The following SNX13 variants were observed in gnomAD, a reference collection of about 807,000 sequenced individuals.
The protein encoded by SNX13 is sorting nexin-13.
Under a neutral mutation model 133.6 loss-of-function variants are expected in SNX13, and 45 were observed. The observed-to-expected ratio is 0.34, with a 90% CI of 0.27 to 0.43. SNX13 has a LOEUF of 0.43. SNX13 is among the 20% of genes least tolerant of loss of function. The pLI is 1.00. For synonymous variants in SNX13, 414 were observed against 373.9 expected (o/e 1.11, Z -1.24); for missense variants, 1,032 against 1,145.1 (o/e 0.90, Z 1.43).
intron 9 of SNX13, among the ~76,000 whole-genome samples, chr7:17,856,906 AAT>A (rs1012555933): frequency 3.9e-5 from 6 of 152,016 alleles, no homozygotes; most frequent in Non-Finnish European, 7.4e-5. Flanking sequence ...TTATAACAAA[AAT>A]AAATGAAATT....
chr7:17,850,790 C>T (rs1554327530), intron 10 of SNX13, 36 bp downstream of exon 10: 1 of 1,444,976 alleles, frequency 6.9e-7, no homozygotes, highest in Non-Finnish European at 9.2e-7. Flanking sequence ...AATAATACTT[C>T]AAAAAAATAT....
intron 1 of SNX13, among the ~76,000 whole-genome samples, chr7:17,911,752 T>C (rs1799009390): frequency 6.6e-6 from 1 of 152,058 alleles, no homozygotes; most frequent in South Asian, 2.1e-4. Flanking sequence ...GAGTACAATA[T>C]GTTATTAAGA....
chr7:17,894,851 C>A (rs776660368), intron 2 of SNX13, among the ~76,000 whole-genome samples: 3 of 152,134 alleles, frequency 2.0e-5, no homozygotes, highest in Admixed American at 6.5e-5. Context: ...TTTGTGTCTA[C>A]CTGCCCTCTC....
chr7:17,843,405 C>T (rs1375528883), intron 12 of SNX13, among the ~76,000 whole-genome samples: 1 of 151,914 alleles, frequency 6.6e-6, no homozygotes, highest in Non-Finnish European at 1.5e-5. Flanking sequence ...AGTTACATAC[C>T]TATTAACAGA....
chr7:17,797,718 G>C (rs1430686387), intron 24 of SNX13, among the ~76,000 whole-genome samples: 2 of 151,708 alleles, frequency 1.3e-5, no homozygotes, highest in Non-Finnish European at 3.0e-5. Flanking sequence ...TGATTCCAAT[G>C]AACAGCCAAA....
At chr7:17,921,388 A>C (rs1314606920) in intron 1 of SNX13, among the ~76,000 whole-genome samples, 1 of 152,152 alleles carries the variant, frequency 6.6e-6, no homozygotes, top group Non-Finnish European at 1.5e-5. Context: ...ACAATTTCCC[A>C]GTGATTCCAT....
chr7:17,866,796 C>T (rs1793449447), intron 9 of SNX13, among the ~76,000 whole-genome samples: 1 of 152,126 alleles, frequency 6.6e-6, no homozygotes, highest in Admixed American at 6.5e-5. Context: ...TTCAGTAGCA[C>T]AACAGGGTGG....
At chr7:17,843,812 AT>A (rs1207211678) in intron 12 of SNX13, among the ~76,000 whole-genome samples, 1 of 152,072 alleles carries the variant, frequency 6.6e-6, no homozygotes, top group African/African-American at 2.4e-5. Context: ...CACACTTTTT[AT>A]TTACCCTACT....
At chr7:17,821,070 C>T (rs1275620098) in intron 18 of SNX13, among the ~76,000 whole-genome samples, 1 of 151,906 alleles carries the variant, frequency 6.6e-6, no homozygotes, top group Admixed American at 6.6e-5. Context: ...AGTAATGGAT[C>T]AAGGATTCAT....
intron 5 of SNX13, among the ~76,000 whole-genome samples, chr7:17,876,696 T>G (rs4721665): frequency 6.6e-6 from 1 of 151,718 alleles, no homozygotes. Flanking sequence ...AGGTGATTAC[T>G]AATTTTAAGA....
At chr7:17,818,624 T>C (rs1282840025) in intron 18 of SNX13, among the ~76,000 whole-genome samples, 1 of 152,170 alleles carries the variant, frequency 6.6e-6, no homozygotes, top group Non-Finnish European at 1.5e-5. Context: ...ATGAAAATAT[T>C]TTTAAAGGCA....
At chr7:17,920,086 A>G (rs1035017709) in intron 1 of SNX13, among the ~76,000 whole-genome samples, 1 of 152,198 alleles carries the variant, frequency 6.6e-6, no homozygotes, top group South Asian at 2.1e-4. Context: ...ATCTGGTGTC[A>G]TAGCCTCAAA....
chr7:17,908,476 G>A (rs1798620268), intron 1 of SNX13, among the ~76,000 whole-genome samples: 1 of 152,052 alleles, frequency 6.6e-6, no homozygotes, highest in Middle Eastern at 3.2e-3. Flanking sequence ...TTCCCCTCAA[G>A]AACCAGCTGA....
At chr7:17,839,107 T>C (rs1789538757) in intron 13 of SNX13, among the ~76,000 whole-genome samples, 2 of 149,752 alleles carry the variant, frequency 1.3e-5, no homozygotes, top group South Asian at 4.2e-4. Flanking sequence ...CTATTCTATA[T>C]ATGTATTCTA....
intron 10 of SNX13, 46 bp from the exon 11 acceptor site, chr7:17,850,481 T>A (rs1192520404): frequency 8.5e-7 from 1 of 1,179,048 alleles, no homozygotes; most frequent in Non-Finnish European, 1.2e-6. Context: ...GTGTTATTTA[T>A]GAAATACTTT....
chr7:17,873,486 A>G (rs1188423473), intron 8 of SNX13, 42 bp downstream of exon 8: 1 of 1,377,502 alleles, frequency 7.3e-7, no homozygotes, highest in South Asian at 1.6e-5. Context: ...CTACTGCTCT[A>G]CATTTTTTTG....
intron 20 of SNX13, among the ~76,000 whole-genome samples, chr7:17,813,860 A>AAG (rs1786342503): frequency 2.0e-5 from 3 of 152,214 alleles, no homozygotes; most frequent in Non-Finnish European, 2.9e-5. Flanking sequence ...CGCTGGGATT[A>AAG]CAGGCATGAG....
intron 1 of SNX13, among the ~76,000 whole-genome samples, chr7:17,931,599 G>T (rs928443583): frequency 6.6e-6 from 1 of 152,142 alleles, no homozygotes; most frequent in African/African-American, 2.4e-5. Flanking sequence ...ACCAATTCAG[G>T]TTTAAATGGA....
chr7:17,920,887 C>T (rs572249731), intron 1 of SNX13, among the ~76,000 whole-genome samples: 1 of 152,198 alleles, frequency 6.6e-6, no homozygotes, highest in East Asian at 1.9e-4. Context: ...TTAAAGTGTT[C>T]CTGAAAAGTA....
Sources: gnomAD v4.1 joint callset for allele counts (sites outside exome capture counted in the v4.1 genomes callset) on GRCh38, gnomAD v4.1.1 for gene constraint, MANE v1.5 for transcripts, NCBI Gene and HGNC (gene_info 2026-07-23, HGNC 2026-07-21) for gene names.